MAP2: variants seen among roughly 807,000 people sequenced by gnomAD.
The protein encoded by MAP2 is microtubule associated protein 2.
A neutral mutation model predicts 137.6 loss-of-function variants in MAP2; 14 were observed. The ratio of observed to expected loss-of-function variants is 0.10; its 90% CI spans 0.07 to 0.16. MAP2 has a LOEUF of 0.16. MAP2 is among the 10% of genes least tolerant of loss of function. MAP2 has a pLI of 1.00. For synonymous variants in MAP2, 786 were observed against 782.3 expected (o/e 1.00, Z -0.08); for missense variants, 2,088 against 2,191.5 (o/e 0.95, Z 0.94).
intron 2 of MAP2, among the ~76,000 whole-genome samples, chr2:209,538,100 C>G (rs1021432464): frequency 6.6e-6 from 1 of 152,162 alleles, no homozygotes; most frequent in African/African-American, 2.4e-5. Flanking sequence ...CCATCTTTGG[C>G]TGTGTCTTCA....
In MAP2 at chr2:209,730,193, A is replaced by G. The variant is rs144328342; in HGVS notation, c.5280A>G (p.Gln1760=). Reference sequence around the variant, plus strand: ...CTTGTCTTAAACAGATTGACAGCCAAAAGTTGAACTTCAGAGAGCATGCTA... The same window carrying G: ...CTTGTCTTAAACAGATTGACAGCCAGAAGTTGAACTTCAGAGAGCATGCTA... ...PGGGNVKIDS[Q]KLNFREHAKA... is the part of the protein sequence containing the mutation. Residue 1760 remains glutamine, a synonymous_variant, in exon 16 of 16, where the codon CAA becomes CAG. Transcript: ENST00000682079. 1.5e-3 allele frequency: 2,444 copies of G among 1,613,974 alleles called. 3 individuals are homozygous for G. The highest frequency in any genetic ancestry group is 4.5e-3 in the African/African-American group (337 of 75,032).
At chr2:209,632,681 A>G (rs2093199727) in intron 4 of MAP2, among the ~76,000 whole-genome samples, 1 of 152,094 alleles carries the variant, frequency 6.6e-6, no homozygotes, top group African/African-American at 2.4e-5. Context: ...CTGGCACCCA[A>G]AGTTTTAATG....
chr2:209,708,404 A>G (rs1015666462), intron 12 of MAP2, among the ~76,000 whole-genome samples: 4 of 152,186 alleles, frequency 2.6e-5, no homozygotes, highest in Non-Finnish European at 5.9e-5. Context: ...GACACAGGGC[A>G]CTTTCATTTG....
intron 2 of MAP2, among the ~76,000 whole-genome samples, chr2:209,526,610 G>GC (rs2064098222): frequency 2.3e-5 from 1 of 42,684 alleles, no homozygotes. Flanking sequence ...GATTCTCCCT[G>GC]GGGCAAATCT....
intron 7 of MAP2, chr2:209,690,954 C>A: frequency 9.5e-7 from 1 of 1,057,962 alleles, no homozygotes; most frequent in Non-Finnish European, 1.2e-6. Flanking sequence ...ATCGCTGGGT[C>A]TTATGATAAC....
At chr2:209,595,253 A>C (rs2080937345) in intron 3 of MAP2, among the ~76,000 whole-genome samples, 2 of 152,214 alleles carry the variant, frequency 1.3e-5, no homozygotes, top group Admixed American at 1.3e-4. Flanking sequence ...TTGTCTTGGC[A>C]ATATTAAGAA....
intron 2 of MAP2, among the ~76,000 whole-genome samples, chr2:209,531,521 A>G (rs1179789792): frequency 6.6e-6 from 1 of 152,196 alleles, no homozygotes; most frequent in Non-Finnish European, 1.5e-5. Flanking sequence ...GTGTTTGCCA[A>G]ATTTATGCAT....
intron 7 of MAP2, among the ~76,000 whole-genome samples, chr2:209,686,853 G>T (rs2057190897): frequency 1.3e-5 from 2 of 152,106 alleles, no homozygotes; most frequent in African/African-American, 4.8e-5. Flanking sequence ...AAACTACATG[G>T]AATAAAGTCT....
At chr2:209,721,474 G>T (rs1307054196) in intron 13 of MAP2, among the ~76,000 whole-genome samples, 1 of 152,144 alleles carries the variant, frequency 6.6e-6, no homozygotes, top group East Asian at 1.9e-4. Flanking sequence ...AGGTTTTTTT[G>T]ATAGAATATC....
At chr2:209,697,351 G>A (rs116166071) in intron 10 of MAP2, among the ~76,000 whole-genome samples, 2 of 152,136 alleles carry the variant, frequency 1.3e-5, no homozygotes, top group African/African-American at 4.8e-5. Flanking sequence ...TTGGTTAGAC[G>A]ATGGCGATGA....
chr2:209,676,768 T>G (rs2051900334), intron 5 of MAP2, among the ~76,000 whole-genome samples: 1 of 111,302 alleles, frequency 9.0e-6, no homozygotes, highest in Non-Finnish European at 1.9e-5. Flanking sequence ...TATATATATA[T>G]ATATCTCCCA....
At position 209,695,424 on chromosome 2, in the gene MAP2, C is replaced by G. The variant is rs780094818; in HGVS notation, c.3254C>G (p.Pro1085Arg). ...TQDMTPSSKAPQEADAFMGVE... is the reference protein window; with the variant it reads ...TQDMTPSSKARQEADAFMGVE... ...GACATGACCCCCTCATCCAAAGCAC[C>G]GCAGGAGGCAGATGCATTTATGGGT... Residue 1085 changes from proline to arginine, a missense_variant, in exon 8 of 16, where the codon CCG becomes CGG. Physicochemically the swap from Pro to Arg is moderately radical, Grantham distance 103. Coordinates refer to ENST00000682079, the MANE Select transcript of MAP2 (RefSeq NM_001375505.1). 8 of 1,613,100 alleles carry G rather than the reference C, an allele frequency of 5.0e-6. No homozygotes were observed. The highest frequency in any genetic ancestry group is 5.9e-6 in the Non-Finnish European group (7 of 1,179,640).
Position 209,695,921 on chromosome 2 carries a change from C to A in MAP2, c.3751C>A (p.Arg1251Ser). 4 of 1,614,032 alleles carry A rather than the reference C, an allele frequency of 2.5e-6. No individual in the cohort carries two copies. The highest frequency in any genetic ancestry group is 3.4e-6 in the Non-Finnish European group (4 of 1,179,974). ...GGGAGAATATGATAAACTGCTCTTC[C>A]GCTCAGACACCCTTCAGATAACTGA... is the stretch of plus-strand genomic sequence containing the variant. Reference protein sequence around the residue: ...AQGEYDKLLFRSDTLQITDLG... With the variant: ...AQGEYDKLLFSSDTLQITDLG... Residue 1251 changes from arginine to serine, a missense_variant, in exon 8 of 16, where the codon CGC becomes AGC. By Grantham distance (110) the Arg-to-Ser change is moderately radical. Coordinates refer to ENST00000682079, the MANE Select transcript of MAP2 (RefSeq NM_001375505.1).
intron 1 of MAP2, among the ~76,000 whole-genome samples, chr2:209,429,188 C>T (rs1574550286): frequency 6.6e-6 from 1 of 151,964 alleles, no homozygotes; most frequent in Non-Finnish European, 1.5e-5. Context: ...CTCCTGACCT[C>T]GTGATCCGCC....
At chr2:209,459,924 C>T (rs1184954077) in intron 1 of MAP2, among the ~76,000 whole-genome samples, 1 of 152,110 alleles carries the variant, frequency 6.6e-6, no homozygotes, top group Non-Finnish European at 1.5e-5. Context: ...CAACTCTTAG[C>T]CCCTTTCCTT....
At chr2:209,671,082 A>C (rs1383777045) in intron 5 of MAP2, among the ~76,000 whole-genome samples, 1 of 151,850 alleles carries the variant, frequency 6.6e-6, no homozygotes, top group Non-Finnish European at 1.5e-5. Context: ...ATTTTTCCCC[A>C]TAAACCAAAT....
At chr2:209,437,624 C>T (rs1162771277) in intron 1 of MAP2, among the ~76,000 whole-genome samples, 2 of 151,504 alleles carry the variant, frequency 1.3e-5, no homozygotes, top group African/African-American at 4.8e-5. Context: ...AGAAATGACA[C>T]GATGGACAAG....
intron 2 of MAP2, among the ~76,000 whole-genome samples, chr2:209,557,583 G>A (rs1559317228): frequency 1.3e-5 from 2 of 152,124 alleles, no homozygotes; most frequent in African/African-American, 2.4e-5. Context: ...CTTCCAAGTG[G>A]GTTTACAAGT....
intron 1 of MAP2, among the ~76,000 whole-genome samples, chr2:209,498,987 G>A (rs1270683507): frequency 1.3e-5 from 2 of 152,168 alleles, no homozygotes; most frequent in Non-Finnish European, 2.9e-5. Flanking sequence ...TTGTTCCACA[G>A]CCTGCTTGAA....
Sources: allele counts gnomAD v4.1 joint callset (sites outside exome capture counted in the v4.1 genomes callset), GRCh38; gene constraint gnomAD v4.1.1; transcripts MANE v1.5; gene names NCBI Gene and HGNC (gene_info 2026-07-23, HGNC 2026-07-21).